The following CSF1R variants were observed in gnomAD, a reference collection of about 807,000 sequenced individuals.
CSF1R encodes the protein colony stimulating factor 1 receptor.
A neutral mutation model predicts 110.0 loss-of-function variants in CSF1R; 40 were observed. The ratio of observed to expected loss-of-function variants is 0.36; its 90% confidence interval spans 0.28 to 0.47. The LOEUF (loss-of-function observed/expected upper bound fraction) is 0.47. Ranked by LOEUF, CSF1R falls within the 20% of genes least tolerant of loss-of-function variation. The probability of loss-of-function intolerance (pLI) is 0.99; values close to 1 mark genes in which losing one functional copy is unlikely to be tolerated. For synonymous variants in CSF1R, 523 were observed against 503.4 expected (o/e 1.04, Z -0.52); for missense variants, 1,052 against 1,253.0 (o/e 0.84, Z 2.42).
chr5:150,062,669 C>A (rs12518632), intron 10 of CSF1R, among the ~76,000 whole-genome samples: 17,437 of 152,030 alleles, frequency 0.11, 1,251 homozygotes, highest in Admixed American at 0.26. Flanking sequence ...TCAGGCACCG[C>A]TGATTCAGAG....
At chr5:150,061,008 A>G in intron 12 of CSF1R, 36 bp from the exon 13 acceptor site, 8 of 1,455,132 alleles carry the variant, frequency 5.5e-6, no homozygotes, top group Non-Finnish European at 7.6e-6. Flanking sequence ...AGACAGGGAG[A>G]GGGCAGGACA....
intron 2 of CSF1R, 23 bp from the exon 3 acceptor site, chr5:150,080,359 G>A (rs1423054394): frequency 1.2e-6 from 2 of 1,602,992 alleles, no homozygotes; most frequent in African/African-American, 1.3e-5. Context: ...AGGGCACAGG[G>A]TTACAACTGC....
Position 150,061,739 on chromosome 5 carries a change from C to T in CSF1R, c.1737G>A (p.Arg579=). 1 of 1,614,202 alleles carries T rather than the reference C, an allele frequency of 6.2e-7. No individual in the cohort carries two copies. Among genetic ancestry groups the T allele is most frequent in the Non-Finnish European group, 8.5e-7 (1 of 1,180,036 alleles). Reference sequence around the variant, plus strand: ...CCATCTCACCAAACTGCAGGTTGTTCCGGGGGAACTCCCACTTCTCGTTGT... The same window carrying T: ...CCATCTCACCAAACTGCAGGTTGTTTCGGGGGAACTCCCACTTCTCGTTGT... ...LPYNEKWEFP[R]NNLQFGKTLG... The change falls in exon 11 of 21, where the codon CGG becomes CGA. Residue 579 remains arginine (R), a synonymous_variant. Coordinates refer to ENST00000675795, the MANE Select transcript of CSF1R (RefSeq NM_001288705.3).
At chr5:150,098,283 A>G (rs1353735703) in intron 1 of CSF1R, 1 of 152,244 alleles carries the variant, frequency 6.6e-6, no homozygotes, top group African/African-American at 2.4e-5. Context: ...AAAGACCTAA[A>G]TGCAAAACCA....
chr5:150,095,112 G>GAAAA (rs35743502), intron 1 of CSF1R: 3,529 of 328,000 alleles, frequency 0.011, 33 homozygotes, highest in Admixed American at 0.019. Flanking sequence ...TCTCAAATTG[G>GAAAA]AAAAAAAAAA....
rs773417438 is a variant in CSF1R, at chr5:150,080,251, G to A, written c.393C>T (p.Asp131=). ...GCGAGACGCCTGCTTCCAGCACCGG[G>A]TCTGTGAGCAGACAGGGCAGTAGTG... ...QDALLPCLLT[D]PVLEAGVSLV... Residue 131 remains aspartate, a synonymous_variant, in exon 3 of 21, where the codon GAC becomes GAT. Transcript: ENST00000675795. 2.5e-6 allele frequency: 4 copies of A among 1,614,054 alleles called. No homozygotes were observed. The highest frequency in any genetic ancestry group is 3.3e-5 in the Admixed American group (2 of 60,032).
In CSF1R at chr5:150,070,218, T is replaced by C. The variant is rs140815605; in HGVS notation, c.1283A>G (p.Asn428Ser). 1.8e-4 allele frequency: 291 copies of C among 1,613,956 alleles called. No individual in the cohort carries two copies. The highest frequency in any genetic ancestry group is 2.3e-4 in the Non-Finnish European group (273 of 1,180,000). Residue 428 changes from asparagine (N) to serine (S), a missense_variant, in exon 8 of 21, where the codon AAC (asparagine) becomes AGC (serine). Asn to Ser is a conservative substitution (Grantham distance 46, BLOSUM62 1). Around this residue, in one of 5 missense-constraint regions of CSF1R, gnomAD observed 693 missense variants for 735.4 expected, o/e 0.94. Transcript: ENST00000675795. ...LCAASGYPQPNVTWLQCSGHT... is the reference protein window; with the variant it reads ...LCAASGYPQPSVTWLQCSGHT... ...GCCACTGCACTGCAGCCATGTCACG[T>C]TGGGCTGGGGGTACCCAGAGGCAGC...
At chr5:150,075,713 G>A (rs576982735) in intron 5 of CSF1R, among the ~76,000 whole-genome samples, 4 of 152,280 alleles carry the variant, frequency 2.6e-5, no homozygotes, top group African/African-American at 7.2e-5. Context: ...CTGTATCCTC[G>A]ATGTCTAGAA....
At chr5:150,069,293 C>A (rs553816692) in intron 9 of CSF1R, among the ~76,000 whole-genome samples, 1 of 152,286 alleles carries the variant, frequency 6.6e-6, no homozygotes, top group African/African-American at 2.4e-5. Context: ...AATCACAGAA[C>A]TAGCTGGTAA....
chr5:150,110,350 T>C (rs2113872496), intron 1 of CSF1R, among the ~76,000 whole-genome samples: 1 of 152,378 alleles, frequency 6.6e-6, no homozygotes, highest in Middle Eastern at 3.4e-3. Flanking sequence ...TTGTTCCATC[T>C]GCCAGGAGCA....
chr5:150,060,286 C>T (rs1389963675), intron 13 of CSF1R, among the ~76,000 whole-genome samples: 1 of 150,154 alleles, frequency 6.7e-6, no homozygotes, highest in African/African-American at 2.5e-5. Flanking sequence ...GAGATCGCAC[C>T]ACTGCACTCC....
chr5:150,077,041 G>T (rs1758295123), intron 5 of CSF1R: 2 of 581,568 alleles, frequency 3.4e-6, no homozygotes, highest in Admixed American at 2.9e-5. Flanking sequence ...ATGGCACTAA[G>T]GTGCACCCAA....
In CSF1R at chr5:150,069,852, GGT is replaced by G; in HGVS notation, c.1510+19_1510+20del. On this transcript the variant is annotated intron_variant, in intron 9 of 20. Transcript: ENST00000675795. The stretch of plus-strand genomic sequence containing the variant: ...GGGGGGCGGGCGGGGGGGCGGTGCG[GGT>G]GCGAAGGCTCCCTCTCACCTGCAGA... The G allele has an allele frequency of 6.3e-7, 1 of 1,581,630 alleles. No individual in the cohort carries two copies. The highest frequency in any genetic ancestry group is 8.6e-7 in the Non-Finnish European group (1 of 1,161,416).
chr5:150,057,873 C>G (rs555073877), intron 14 of CSF1R, among the ~76,000 whole-genome samples: 1 of 152,216 alleles, frequency 6.6e-6, no homozygotes, highest in Non-Finnish European at 1.5e-5. Flanking sequence ...AGCCCCTGCT[C>G]TACCCTCAAG....
intron 1 of CSF1R, among the ~76,000 whole-genome samples, chr5:150,109,667 G>A (rs1297265211): frequency 1.3e-5 from 2 of 152,134 alleles, no homozygotes; most frequent in Non-Finnish European, 2.9e-5. Context: ...TTGTATGTTT[G>A]ATTTTCTCAG....
chr5:150,094,410 T>C (rs897047273), intron 1 of CSF1R: 20 of 1,599,138 alleles, frequency 1.3e-5, no homozygotes, highest in South Asian at 2.2e-5. Flanking sequence ...GAGAAAGAAG[T>C]TTGCCCAAAA....
chr5:150,085,752 C>A (rs1027180543), intron 1 of CSF1R, among the ~76,000 whole-genome samples: 10 of 152,158 alleles, frequency 6.6e-5, no homozygotes, highest in Admixed American at 6.5e-4. Flanking sequence ...TGACCCCTTA[C>A]ACAAGCCACC....
chr5:150,082,939 C>T (rs1300075992), intron 1 of CSF1R, among the ~76,000 whole-genome samples: 1 of 152,184 alleles, frequency 6.6e-6, no homozygotes, highest in Non-Finnish European at 1.5e-5. Flanking sequence ...ACCTGCCTCA[C>T]ACCTTACAGT....
chr5:150,094,554 G>T (rs1759152373), intron 1 of CSF1R: 1 of 1,596,010 alleles, frequency 6.3e-7, no homozygotes, highest in Non-Finnish European at 8.5e-7. Context: ...CTATGTACCT[G>T]CAGAACCCAA....
Sources: allele counts gnomAD v4.1 joint callset (sites outside exome capture counted in the v4.1 genomes callset), GRCh38; gene constraint gnomAD v4.1.1; regional missense constraint gnomAD v4.1.1; transcripts MANE v1.5; gene names NCBI Gene and HGNC (gene_info 2026-07-23, HGNC 2026-07-21).